GRIA1: variants seen among roughly 807,000 people sequenced by gnomAD.
GRIA1 encodes the protein glutamate receptor 1.
Under a neutral mutation model 99.2 loss-of-function variants are expected in GRIA1, and 31 were observed. The observed-to-expected ratio is 0.31, with a 90% CI of 0.23 to 0.42. GRIA1 has a LOEUF of 0.42. Ranked by LOEUF, GRIA1 falls within the 10% of genes least tolerant of loss-of-function variation. The pLI is 1.00. For missense variants in GRIA1, 782 were observed against 1,157.5 expected (o/e 0.68, Z 4.71); for synonymous variants, 438 against 432.4 (o/e 1.01, Z -0.16).
chr5:153,775,999 A>T (rs1764225064), intron 13 of GRIA1, among the ~76,000 whole-genome samples: 2 of 152,108 alleles, frequency 1.3e-5, no homozygotes, highest in South Asian at 4.1e-4. Flanking sequence ...CTGCGGTCAT[A>T]TTGTGAAGAA....
At chr5:153,635,047 C>T (rs890964926) in intron 2 of GRIA1, among the ~76,000 whole-genome samples, 4 of 152,192 alleles carry the variant, frequency 2.6e-5, no homozygotes, top group African/African-American at 9.6e-5. Context: ...TCCTCTGTAG[C>T]TTTCAGTAAA....
intron 13 of GRIA1, among the ~76,000 whole-genome samples, chr5:153,773,695 G>A (rs919480581): frequency 6.6e-6 from 1 of 152,154 alleles, no homozygotes; most frequent in African/African-American, 2.4e-5. Flanking sequence ...CAAAAGAAAA[G>A]GAGAGAGAAA....
chr5:153,796,824 ACT>A (rs1404641851), intron 14 of GRIA1, among the ~76,000 whole-genome samples: 1 of 135,950 alleles, frequency 7.4e-6, no homozygotes, highest in Non-Finnish European at 1.5e-5. Flanking sequence ...ATAATGCCAC[ACT>A]GTTTCACCAT....
At chr5:153,725,803 A>AC (rs1411048484) in intron 11 of GRIA1, among the ~76,000 whole-genome samples, 2 of 130,760 alleles carry the variant, frequency 1.5e-5, no homozygotes, top group African/African-American at 5.9e-5. Flanking sequence ...AGACTTTAAC[A>AC]CCCCACTGTC....
intron 2 of GRIA1, among the ~76,000 whole-genome samples, chr5:153,631,922 G>A (rs1051576300): frequency 9.2e-5 from 14 of 152,234 alleles, no homozygotes; most frequent in African/African-American, 3.1e-4. Context: ...GAACCGCATC[G>A]GGGGAGGTGT....
intron 12 of GRIA1, among the ~76,000 whole-genome samples, chr5:153,768,172 A>G (rs952574846): frequency 1.3e-5 from 2 of 152,214 alleles, no homozygotes; most frequent in African/African-American, 2.4e-5. Context: ...AATATTAAAT[A>G]CATTGGCAGA....
At chr5:153,573,690 T>C (rs1438648671) in intron 2 of GRIA1, among the ~76,000 whole-genome samples, 1 of 152,188 alleles carries the variant, frequency 6.6e-6, no homozygotes, top group Non-Finnish European at 1.5e-5. Context: ...CCAGGCTCTA[T>C]TTCCAGGGAG....
At chr5:153,600,391 C>CAAAAAAAAAA (rs57395601) in intron 2 of GRIA1, among the ~76,000 whole-genome samples, 3 of 51,502 alleles carry the variant, frequency 5.8e-5, no homozygotes, top group African/African-American at 2.7e-4. Context: ...GACTCCATCT[C>CAAAAAAAAAA]AAAAAAAAAA....
chr5:153,784,457 C>CTCTG (rs1272631861), intron 13 of GRIA1, among the ~76,000 whole-genome samples: 5 of 152,118 alleles, frequency 3.3e-5, no homozygotes, highest in African/African-American at 1.2e-4. Flanking sequence ...AAGACAAAGC[C>CTCTG]TCTGTCTTCT....
At chr5:153,642,542 C>A (rs1448710002) in intron 2 of GRIA1, among the ~76,000 whole-genome samples, 1 of 151,338 alleles carries the variant, frequency 6.6e-6, no homozygotes, top group East Asian at 2.0e-4. Context: ...GCTTGCGCAA[C>A]ATAATGAGAT....
intron 2 of GRIA1, among the ~76,000 whole-genome samples, chr5:153,603,371 C>T (rs1312965692): frequency 2.8e-5 from 4 of 142,350 alleles, no homozygotes; most frequent in Non-Finnish European, 4.8e-5. Context: ...TGAATAGTGC[C>T]ACAATAAACA....
intron 2 of GRIA1, among the ~76,000 whole-genome samples, chr5:153,504,276 A>G (rs543718887): frequency 1.3e-5 from 2 of 152,094 alleles, no homozygotes; most frequent in African/African-American, 2.4e-5. Flanking sequence ...TCAGGATGCT[A>G]TTACCAAAAG....
At position 153,647,117 on chromosome 5, in the gene GRIA1, T is replaced by C; in HGVS notation, c.410T>C (p.Ile137Thr). ...CTGCAGGATGCCCTCATCAGCATCATTGACCATTACAAGTGGCAGAAATTT... is the reference window on the plus strand; with the variant it reads ...CTGCAGGATGCCCTCATCAGCATCACTGACCATTACAAGTGGCAGAAATTT... ...PELQDALISI[I>T]DHYKWQKFVY... Residue 137 changes from isoleucine to threonine, a missense_variant, in exon 3 of 16, where the codon ATT becomes ACT. Transcript: ENST00000285900. 4.3e-6 allele frequency: 7 copies of C among 1,613,950 alleles called. No individual in the cohort carries two copies. Among genetic ancestry groups the C allele is most frequent in the Non-Finnish European group, 5.1e-6 (6 of 1,179,904 alleles).
chr5:153,540,909 T>C lies in GRIA1; in HGVS notation c.220+46844T>C, dbSNP rs971361149. Among the ~76,000 whole-genome samples the C allele has an allele frequency of 4.6e-5, 7 of 152,284 alleles. No homozygotes were observed. The South Asian group carries it at 1.5e-3, about 32-fold the overall frequency. On this transcript the variant is annotated intron_variant, in intron 2 of 15. Transcript: ENST00000285900. ...GGCTTGAGTAGCTTTGGGAATTGAA[T>C]GAACGTTGGTGTGGCTGGAGCTAAG... is the stretch of plus-strand genomic sequence containing the variant.
chr5:153,537,661 G>T (rs1265906877), intron 2 of GRIA1, among the ~76,000 whole-genome samples: 1 of 152,190 alleles, frequency 6.6e-6, no homozygotes, highest in Non-Finnish European at 1.5e-5. Context: ...GGGCCTTGGT[G>T]TCAGAACCAG....
At chr5:153,594,949 A>T (rs1214295483) in intron 2 of GRIA1, among the ~76,000 whole-genome samples, 1 of 151,634 alleles carries the variant, frequency 6.6e-6, no homozygotes, top group African/African-American at 2.4e-5. Flanking sequence ...CTTTCTTGTG[A>T]TCTGTGGTTT....
chr5:153,504,216 C>G (rs1179491643), intron 2 of GRIA1, among the ~76,000 whole-genome samples: 1 of 151,818 alleles, frequency 6.6e-6, no homozygotes, highest in Admixed American at 6.6e-5. Context: ...TTTAAGCCAG[C>G]CCACCAAAAC....
chr5:153,520,765 A>G (rs1346374643), intron 2 of GRIA1, among the ~76,000 whole-genome samples: 1 of 152,206 alleles, frequency 6.6e-6, no homozygotes, highest in Non-Finnish European at 1.5e-5. Context: ...CCTGATTCAC[A>G]GGGAACCTCT....
At chr5:153,664,505 C>T (rs2149474693) in intron 5 of GRIA1, among the ~76,000 whole-genome samples, 1 of 151,594 alleles carries the variant, frequency 6.6e-6, no homozygotes, top group Middle Eastern at 3.4e-3. Flanking sequence ...TTCACCCAAC[C>T]AAAGGCACTT....
Sources: allele counts gnomAD v4.1 joint callset (sites outside exome capture counted in the v4.1 genomes callset), GRCh38; gene constraint gnomAD v4.1.1; transcripts MANE v1.5; gene names NCBI Gene and HGNC (gene_info 2026-07-23, HGNC 2026-07-21).